GRM8: variants seen among roughly 807,000 people sequenced by gnomAD.
GRM8 encodes the protein glutamate metabotropic receptor 8, also known as metabotropic glutamate receptor 8.
In GRM8, 47 loss-of-function variants were observed where a neutral mutation model predicts 87.2. The observed-to-expected ratio is 0.54, with a 90% CI of 0.43 to 0.69. The LOEUF is 0.69. GRM8 is among the 30% of genes least tolerant of loss of function. The probability of loss-of-function intolerance (pLI) is 0.00; values close to 1 mark genes in which losing one functional copy is unlikely to be tolerated. For synonymous variants in GRM8, 396 were observed against 404.5 expected, an observed-to-expected ratio of 0.98 and a Z score of 0.25; for missense variants, 1,019 against 1,139.2, an observed-to-expected ratio of 0.89 and a Z score of 1.52.
At chr7:127,033,596 G>A (rs1041959691) in intron 3 of GRM8, among the ~76,000 whole-genome samples, 24 of 152,108 alleles carry the variant, frequency 1.6e-4, no homozygotes, top group African/African-American at 5.8e-4. Flanking sequence ...TAGAAATCAT[G>A]TATGTTAGAA....
In GRM8 at chr7:126,626,818, G is replaced by A. The variant is rs557749038; in HGVS notation, c.1358-17320C>T. On this transcript the variant is annotated intron_variant, in intron 7 of 10. Transcript: ENST00000339582. ...GAGGATCGCTTGACCCCAGGAGTTT[G>A]AAACCAGCCTGGGCAACAAAGTGAG... Among the ~76,000 whole-genome samples the A allele has an allele frequency of 6.7e-4, 102 of 152,260 alleles. 1 individual carries two copies. The South Asian group carries it at 0.012, about 17-fold the overall frequency.
intron 6 of GRM8, among the ~76,000 whole-genome samples, chr7:126,773,584 A>T (rs1819093622): frequency 6.6e-6 from 1 of 152,132 alleles, no homozygotes; most frequent in South Asian, 2.1e-4. Context: ...ATTGTATTTT[A>T]ATGCCAGTGC....
At chr7:126,928,805 G>A (rs184124687) in intron 3 of GRM8, among the ~76,000 whole-genome samples, 63 of 152,006 alleles carry the variant, frequency 4.1e-4, no homozygotes, top group Admixed American at 9.8e-4. Flanking sequence ...TAAATATGAC[G>A]TCTACCCTTA....
chr7:126,968,841 G>C (rs997892003), intron 3 of GRM8, among the ~76,000 whole-genome samples: 50 of 152,140 alleles, frequency 3.3e-4, no homozygotes, highest in African/African-American at 4.8e-5. Context: ...AAACTGTTAA[G>C]TGTATAAGGG....
chr7:126,684,736 A>G (rs943143996), intron 7 of GRM8, among the ~76,000 whole-genome samples: 2 of 152,234 alleles, frequency 1.3e-5, no homozygotes, highest in Non-Finnish European at 1.5e-5. Flanking sequence ...GCCTGGGTAA[A>G]GTCTAGATTT....
At chr7:127,099,213 G>A (rs1192659640) in intron 3 of GRM8, among the ~76,000 whole-genome samples, 1 of 152,110 alleles carries the variant, frequency 6.6e-6, no homozygotes, top group African/African-American at 2.4e-5. Context: ...ATTATATCAA[G>A]GAATTAAAAC....
At chr7:126,930,135 T>C (rs1017405621) in intron 3 of GRM8, among the ~76,000 whole-genome samples, 3 of 152,106 alleles carry the variant, frequency 2.0e-5, no homozygotes, top group Non-Finnish European at 2.9e-5. Flanking sequence ...CTATATTAGA[T>C]AGGAAGGAGA....
intron 9 of GRM8, among the ~76,000 whole-genome samples, chr7:126,515,969 C>T (rs1812105588): frequency 6.6e-6 from 1 of 152,026 alleles, no homozygotes; most frequent in African/African-American, 2.4e-5. Context: ...TTTATGCCAT[C>T]TATTCAAGGA....
intron 9 of GRM8, among the ~76,000 whole-genome samples, chr7:126,469,408 C>T (rs1237991064): frequency 6.6e-6 from 1 of 152,054 alleles, no homozygotes; most frequent in African/African-American, 2.4e-5. Flanking sequence ...GTTGTCAAAT[C>T]AAAATGACCA....
intron 2 of GRM8, among the ~76,000 whole-genome samples, chr7:127,236,300 T>C (rs1412568261): frequency 6.6e-6 from 1 of 152,236 alleles, no homozygotes; most frequent in Non-Finnish European, 1.5e-5. Flanking sequence ...TGTTTCCTTC[T>C]TTCTCCGCTT....
At chr7:126,619,316 T>C (rs995127159) in intron 7 of GRM8, among the ~76,000 whole-genome samples, 4 of 152,004 alleles carry the variant, frequency 2.6e-5, no homozygotes, top group African/African-American at 4.8e-5. Context: ...CAGGTGGGAA[T>C]TGAACAGTGA....
intron 3 of GRM8, among the ~76,000 whole-genome samples, chr7:126,930,051 C>G (rs1319868093): frequency 6.6e-6 from 1 of 151,944 alleles, no homozygotes; most frequent in African/African-American, 2.4e-5. Flanking sequence ...CAACAGAGGC[C>G]ATAAGAAAGG....
At chr7:126,618,808 T>A (rs1799800741) in intron 7 of GRM8, among the ~76,000 whole-genome samples, 1 of 152,008 alleles carries the variant, frequency 6.6e-6, no homozygotes, top group Admixed American at 6.6e-5. Context: ...GAAATGCAAA[T>A]CAAAACCACA....
At chr7:126,917,752 C>T (rs1021913569) in intron 3 of GRM8, among the ~76,000 whole-genome samples, 2 of 152,154 alleles carry the variant, frequency 1.3e-5, no homozygotes, top group East Asian at 1.9e-4. Context: ...TTAAATACAA[C>T]ATCAACAGGT....
At chr7:126,828,107 G>C (rs930067369) in intron 6 of GRM8, among the ~76,000 whole-genome samples, 2 of 151,980 alleles carry the variant, frequency 1.3e-5, no homozygotes, top group Admixed American at 1.3e-4. Context: ...TGCTGGATTC[G>C]TTTTGCCAGT....
chr7:127,058,219 C>T (rs376389171), intron 3 of GRM8: 198 of 476,728 alleles, frequency 4.2e-4, no homozygotes, highest in African/African-American at 3.8e-3. Context: ...TCCCCACAGC[C>T]TGGCCCCAGG....
chr7:127,042,858 T>C (rs1818556331), intron 3 of GRM8, among the ~76,000 whole-genome samples: 1 of 152,172 alleles, frequency 6.6e-6, no homozygotes, highest in South Asian at 2.1e-4. Flanking sequence ...TTTTGCAATC[T>C]ACTCATCTGA....
At chr7:126,898,480 A>G (rs935207157) in intron 6 of GRM8, among the ~76,000 whole-genome samples, 9 of 152,180 alleles carry the variant, frequency 5.9e-5, no homozygotes, top group Admixed American at 1.3e-4. Context: ...CCACAATGGA[A>G]TTTGCATGAA....
At chr7:127,139,902 C>T (rs11563492) in intron 2 of GRM8, among the ~76,000 whole-genome samples, 10,679 of 152,116 alleles carry the variant, frequency 0.07, 521 homozygotes, top group South Asian at 0.13. Flanking sequence ...TCACAACTGG[C>T]GACAATGTGC....
Sources: allele counts gnomAD v4.1 joint callset (sites outside exome capture counted in the v4.1 genomes callset), GRCh38; gene constraint gnomAD v4.1.1; transcripts MANE v1.5; gene names NCBI Gene and HGNC (gene_info 2026-07-23, HGNC 2026-07-21).